The following ADCY8 variants were observed in gnomAD, a reference collection of about 807,000 sequenced individuals.
The protein encoded by ADCY8 is adenylate cyclase type 8.
In ADCY8, 51 loss-of-function variants were observed where a neutral mutation model predicts 119.7. The observed-to-expected ratio is 0.43, with a 90% CI of 0.34 to 0.54. ADCY8 has a LOEUF of 0.54. ADCY8 is among the 20% of genes least tolerant of loss of function. The pLI is 0.03. For missense variants in ADCY8, 1,383 were observed against 1,598.8 expected (o/e 0.87, Z 2.30); for synonymous variants, 665 against 651.0 (o/e 1.02, Z -0.33).
intron 8 of ADCY8, among the ~76,000 whole-genome samples, chr8:130,869,782 G>T (rs1406466991): frequency 1.3e-5 from 2 of 151,998 alleles, no homozygotes; most frequent in Non-Finnish European, 2.9e-5. Context: ...CTCCCAAAGG[G>T]CTGGGATTAC....
intron 2 of ADCY8, among the ~76,000 whole-genome samples, chr8:130,985,954 C>T (rs1271380545): frequency 6.6e-6 from 1 of 152,124 alleles, no homozygotes. Flanking sequence ...TCTGAGACAC[C>T]TCGAAATGCC....
At chr8:130,904,162 C>T in intron 6 of ADCY8, 120 bp from the exon 7 acceptor site, 2 of 982,466 alleles carry the variant, frequency 2.0e-6, no homozygotes, top group Non-Finnish European at 3.0e-6. Flanking sequence ...GACATGTCCT[C>T]AGGGACAATA....
At chr8:130,941,973 C>G (rs916836482) in intron 4 of ADCY8, among the ~76,000 whole-genome samples, 3 of 152,194 alleles carry the variant, frequency 2.0e-5, no homozygotes, top group Non-Finnish European at 2.9e-5. Context: ...CCTCTCTCTA[C>G]AAAACTGTAA....
At chr8:130,931,191 A>G (rs1012055966) in intron 5 of ADCY8, among the ~76,000 whole-genome samples, 2 of 152,130 alleles carry the variant, frequency 1.3e-5, no homozygotes, top group Admixed American at 1.3e-4. Flanking sequence ...TTTCTAAAGG[A>G]CAGTTTTGCT....
intron 1 of ADCY8, among the ~76,000 whole-genome samples, chr8:131,021,624 A>T (rs1823671502): frequency 6.6e-6 from 1 of 152,182 alleles, no homozygotes; most frequent in Non-Finnish European, 1.5e-5. Flanking sequence ...TCATGGGAGC[A>T]GTTACCTTCA....
chr8:130,784,453 TTATA>T (rs1415776062), intron 16 of ADCY8, among the ~76,000 whole-genome samples: 1 of 152,218 alleles, frequency 6.6e-6, no homozygotes, highest in Non-Finnish European at 1.5e-5. Context: ...ATGAGATTTT[TTATA>T]TGAGAGAACT....
At chr8:130,970,521 A>G (rs1821892790) in intron 2 of ADCY8, among the ~76,000 whole-genome samples, 1 of 152,236 alleles carries the variant, frequency 6.6e-6, no homozygotes. Context: ...ATTTCATTAC[A>G]TATTACAATG....
intron 1 of ADCY8, among the ~76,000 whole-genome samples, chr8:130,991,981 A>G (rs1230658662): frequency 1.3e-5 from 2 of 151,924 alleles, no homozygotes; most frequent in Non-Finnish European, 2.9e-5. Context: ...AACATAGATG[A>G]CGGAAGAATC....
chr8:130,979,983 T>C (rs915364201), intron 2 of ADCY8, among the ~76,000 whole-genome samples: 10 of 152,212 alleles, frequency 6.6e-5, no homozygotes, highest in African/African-American at 9.7e-5. Context: ...CCTACAGTTT[T>C]GGAGGTCAGA....
intron 14 of ADCY8, among the ~76,000 whole-genome samples, chr8:130,812,941 C>T (rs1816214595): frequency 2.0e-5 from 3 of 148,184 alleles, no homozygotes; most frequent in Admixed American, 6.8e-5. Context: ...TACAATTTAC[C>T]ATCTTGATCT....
rs756926881 is a variant in ADCY8 at position 130,814,113 on chromosome 8, T to C, written c.2869A>G (p.Ser957Gly). The C allele has an allele frequency of 1.2e-6, 2 of 1,614,096 alleles. No homozygotes were observed. The highest frequency in any genetic ancestry group is 3.3e-5 in the Admixed American group (2 of 60,016). The change falls in exon 14 of 18, where the codon AGC becomes GGC. Residue 957 changes from serine (S) to glycine (G), a missense_variant. By Grantham distance (56) the Ser-to-Gly change is moderately conservative. Around this residue, in one of 2 missense-constraint regions of ADCY8, gnomAD observed 928 missense variants for 1,163.5 expected, o/e 0.80. Coordinates refer to ENST00000286355, the MANE Select transcript of ADCY8 (RefSeq NM_001115.3). ...TCTAGGAAATGGCGGGCCACATGGC[T>C]GGGTAAGATATTCCGGAGCATGTTC... ...NENMLRNILP[S>G]HVARHFLEKD... is the part of the protein sequence containing the mutation.
At chr8:130,939,289 C>T (rs1820888734) in intron 4 of ADCY8, among the ~76,000 whole-genome samples, 1 of 152,250 alleles carries the variant, frequency 6.6e-6, no homozygotes, top group Middle Eastern at 3.4e-3. Flanking sequence ...TGAAAACTCA[C>T]TACATTGCTT....
At chr8:130,936,966 A>T (rs1820805881) in intron 5 of ADCY8, 107 bp downstream of exon 5, 1 of 1,345,116 alleles carries the variant, frequency 7.4e-7, no homozygotes, top group Non-Finnish European at 9.9e-7. Context: ...ATAAGTCAAA[A>T]GGTTCTGCCT....
chr8:130,969,520 T>A (rs1821861598), intron 2 of ADCY8, among the ~76,000 whole-genome samples: 1 of 152,230 alleles, frequency 6.6e-6, no homozygotes, highest in Admixed American at 6.5e-5. Context: ...CTATTGTTAT[T>A]ATTAACTACA....
Position 130,849,757 on chromosome 8 carries a change from A to G in ADCY8, c.2257T>C (p.Ser753Pro). ...GCTGTGGTGATGAGGACCAGAGCCG[A>G]GTGCAGCATAATCAGAATGGAGAAC... ...IQFSILIMLHSALVLITTAED... is the reference protein window; with the variant it reads ...IQFSILIMLHPALVLITTAED... Residue 753 changes from serine to proline, a missense_variant, in exon 10 of 18, where the codon TCG becomes CCG. Ser to Pro is a moderately conservative substitution (Grantham distance 74). Coordinates refer to ENST00000286355, the MANE Select transcript of ADCY8 (RefSeq NM_001115.3). The G allele has an allele frequency of 6.2e-7, 1 of 1,613,774 alleles. No homozygotes were observed. The highest frequency in any genetic ancestry group is 8.5e-7 in the Non-Finnish European group (1 of 1,179,832).
At chr8:130,972,343 C>T (rs1418552028) in intron 2 of ADCY8, among the ~76,000 whole-genome samples, 1 of 152,156 alleles carries the variant, frequency 6.6e-6, no homozygotes, top group Non-Finnish European at 1.5e-5. Context: ...TGTCATCTCT[C>T]ATCATGTGTG....
rs1815489272 is a variant in ADCY8, at chr8:130,793,574, G to A, written c.3060+6852C>T. ...TGTTTAGTTTGTCATTATATCTTGT[G>A]CGCCCAGGGCAGGACTTCACTAGAT... is the stretch of plus-strand genomic sequence containing the variant. On this transcript the variant is annotated intron_variant, in intron 15 of 17. Coordinates refer to ENST00000286355, the MANE Select transcript of ADCY8 (RefSeq NM_001115.3). Among the ~76,000 whole-genome samples the A allele has an allele frequency of 2.0e-5, 3 of 152,164 alleles. No individual in the cohort carries two copies. The South Asian group carries it at 6.2e-4, about 32-fold the overall frequency.
chr8:130,905,561 G>GT lies in ADCY8; in HGVS notation c.1641-1520dup, dbSNP rs542112661. ...ACAATATATCCAAGTAAACAGAAAA[G>GT]TTTTTAAAAAAAATTTAGAGTGGCT... On this transcript the variant is annotated intron_variant, in intron 6 of 17. Transcript: ENST00000286355. 5.1e-3 allele frequency among the ~76,000 whole-genome samples: 783 copies of GT among 152,216 alleles called. 8 individuals carry two copies. Among genetic ancestry groups the GT allele is most frequent in the Non-Finnish European group, 5.4e-3 (368 of 68,010 alleles).
At chr8:130,904,724 C>T (rs1364010289) in intron 6 of ADCY8, among the ~76,000 whole-genome samples, 1 of 152,136 alleles carries the variant, frequency 6.6e-6, no homozygotes, top group Non-Finnish European at 1.5e-5. Flanking sequence ...CTCATGGCTG[C>T]ACAATTGTCA....
Sources: gnomAD v4.1 joint callset for allele counts (sites outside exome capture counted in the v4.1 genomes callset) on GRCh38, gnomAD v4.1.1 for gene constraint, gnomAD v4.1.1 regional missense constraint, MANE v1.5 for transcripts, NCBI Gene and HGNC (gene_info 2026-07-23, HGNC 2026-07-21) for gene names.